Variants in CACNA2D3 observed in about 807,000 individuals in gnomAD.
The protein encoded by CACNA2D3 is calcium voltage-gated channel auxiliary subunit alpha2delta 3, also known as voltage-dependent calcium channel subunit alpha-2/delta-3.
A neutral mutation model predicts 160.6 loss-of-function variants in CACNA2D3; 60 were observed. The observed-to-expected ratio is 0.37, with a 90% CI of 0.30 to 0.46. The LOEUF is 0.46. Among genes scored for constraint, CACNA2D3 ranks in the 20% least tolerant of loss-of-function variants. The pLI, the probability that CACNA2D3 is intolerant of heterozygous loss-of-function variation, is 1.00. For synonymous variants in CACNA2D3, 558 were observed against 492.9 expected (o/e 1.13, Z -1.75); for missense variants, 1,205 against 1,365.0 (o/e 0.88, Z 1.85).
chr3:54,563,112 G>C (rs746575243), intron 6 of CACNA2D3, among the ~76,000 whole-genome samples, 181 bp downstream of exon 6: 1 of 152,074 alleles, frequency 6.6e-6, no homozygotes, highest in African/African-American at 2.4e-5. Flanking sequence ...AGATGGGCAC[G>C]CACACACACA....
intron 4 of CACNA2D3, among the ~76,000 whole-genome samples, chr3:54,466,395 C>G (rs897468811): frequency 6.6e-6 from 1 of 152,032 alleles, no homozygotes; most frequent in Non-Finnish European, 1.5e-5. Flanking sequence ...GCTGGTTATA[C>G]CACCCATTGT....
intron 3 of CACNA2D3, among the ~76,000 whole-genome samples, chr3:54,350,227 C>T (rs1019031963): frequency 6.6e-6 from 1 of 152,118 alleles, no homozygotes; most frequent in Admixed American, 6.5e-5. Flanking sequence ...AATAACTGTA[C>T]TCTCTTGCTG....
chr3:54,587,785 T>C (rs552350988), intron 9 of CACNA2D3, among the ~76,000 whole-genome samples: 1 of 152,310 alleles, frequency 6.6e-6, no homozygotes, highest in Admixed American at 6.5e-5. Flanking sequence ...ATAGCTAGAC[T>C]AATCCTATAA....
chr3:54,547,496 A>T (rs112787453), intron 5 of CACNA2D3, among the ~76,000 whole-genome samples: 1 of 151,916 alleles, frequency 6.6e-6, no homozygotes, highest in Non-Finnish European at 1.5e-5. Context: ...TCTCAGGCCA[A>T]TTTCTGACTC....
chr3:54,744,179 C>G (rs1198110889), intron 11 of CACNA2D3, among the ~76,000 whole-genome samples: 1 of 152,188 alleles, frequency 6.6e-6, no homozygotes, highest in South Asian at 2.1e-4. Flanking sequence ...GATATCTGCT[C>G]TGCACAAAAC....
At chr3:54,447,928 T>G (rs189588383) in intron 4 of CACNA2D3, among the ~76,000 whole-genome samples, 1 of 152,056 alleles carries the variant, frequency 6.6e-6, no homozygotes, top group Non-Finnish European at 1.5e-5. Context: ...GAACTAACAA[T>G]AGAAAAACCC....
At chr3:54,424,755 T>G (rs1364572159) in intron 4 of CACNA2D3, among the ~76,000 whole-genome samples, 1 of 152,162 alleles carries the variant, frequency 6.6e-6, no homozygotes, top group Non-Finnish European at 1.5e-5. Context: ...TCTCCCTGCA[T>G]CCTCCCATCC....
chr3:54,552,511 C>T (rs1265476476), intron 5 of CACNA2D3, among the ~76,000 whole-genome samples: 1 of 152,184 alleles, frequency 6.6e-6, no homozygotes, highest in East Asian at 1.9e-4. Context: ...GGAGTTTTTA[C>T]AGGAACTTAG....
At chr3:54,484,862 T>A (rs6796216) in intron 4 of CACNA2D3, among the ~76,000 whole-genome samples, 1 of 149,488 alleles carries the variant, frequency 6.7e-6, no homozygotes, top group African/African-American at 2.5e-5. Context: ...TTTTTTTTTT[T>A]GGGGGATGGA....
intron 3 of CACNA2D3, among the ~76,000 whole-genome samples, chr3:54,354,183 G>A (rs757095388): frequency 1.2e-4 from 19 of 152,084 alleles, no homozygotes; most frequent in African/African-American, 3.4e-4. Context: ...ATTTGGAAGC[G>A]GAGGAATTTT....
At chr3:54,296,091 T>A (rs1263349146) in intron 2 of CACNA2D3, among the ~76,000 whole-genome samples, 1 of 152,106 alleles carries the variant, frequency 6.6e-6, no homozygotes, top group African/African-American at 2.4e-5. Context: ...GGATGAACTT[T>A]AGGGTGCACG....
intron 34 of CACNA2D3, among the ~76,000 whole-genome samples, chr3:55,014,973 A>T (rs1267021092): frequency 6.6e-6 from 1 of 152,232 alleles, no homozygotes; most frequent in Non-Finnish European, 1.5e-5. Context: ...TGCTGCAAAT[A>T]GACCCAACGG....
At chr3:54,803,315 A>C (rs1392966354) in intron 13 of CACNA2D3, among the ~76,000 whole-genome samples, 3 of 152,178 alleles carry the variant, frequency 2.0e-5, no homozygotes, top group African/African-American at 7.2e-5. Context: ...ACTTTGAAAA[A>C]AATTTAGACG....
chr3:54,829,995 AGC>A (rs1703838437), intron 14 of CACNA2D3, among the ~76,000 whole-genome samples: 1 of 9,436 alleles, frequency 1.1e-4, no homozygotes, highest in Non-Finnish European at 2.0e-4. Context: ...CCCAGGTTCA[AGC>A]AATTCTCTGC....
intron 2 of CACNA2D3, among the ~76,000 whole-genome samples, chr3:54,300,653 G>A (rs922009534): frequency 6.6e-6 from 1 of 152,160 alleles, no homozygotes; most frequent in East Asian, 1.9e-4. Flanking sequence ...GTATAAGTAT[G>A]ACCAATAATG....
At chr3:54,715,168 C>A (rs1701030103) in intron 11 of CACNA2D3, among the ~76,000 whole-genome samples, 1 of 152,166 alleles carries the variant, frequency 6.6e-6, no homozygotes, top group Non-Finnish European at 1.5e-5. Flanking sequence ...GGGGGGTTCC[C>A]ACAACCTCAT....
chr3:54,350,986 G>GTTTTTTTTTTTTTTTTTTTTT (rs796392854), intron 3 of CACNA2D3, among the ~76,000 whole-genome samples: 27 of 65,944 alleles, frequency 4.1e-4, no homozygotes, highest in Non-Finnish European at 6.9e-4. Flanking sequence ...TTTTTTGTTT[G>GTTTTTTTTTTTTTTTTTTTTT]TTTTTTTTTT....
chr3:54,938,440 A>G (rs1390202893), intron 27 of CACNA2D3, among the ~76,000 whole-genome samples: 1 of 152,206 alleles, frequency 6.6e-6, no homozygotes, highest in Non-Finnish European at 1.5e-5. Flanking sequence ...TAGATAGCCA[A>G]CTGGTGGCAC....
intron 34 of CACNA2D3, among the ~76,000 whole-genome samples, chr3:55,011,173 A>G (rs1703203431): frequency 6.6e-6 from 1 of 152,238 alleles, no homozygotes; most frequent in African/African-American, 2.4e-5. Context: ...CTCTCTGATA[A>G]CTGGGAGCCT....
Sources: gnomAD v4.1 joint callset for allele counts (sites outside exome capture counted in the v4.1 genomes callset) on GRCh38, gnomAD v4.1.1 for gene constraint, MANE v1.5 for transcripts, NCBI Gene and HGNC (gene_info 2026-07-23, HGNC 2026-07-21) for gene names.